Variants in SLIT3 observed in about 807,000 individuals in gnomAD.
The protein encoded by SLIT3 is slit homolog 3 protein.
A neutral mutation model predicts 184.0 loss-of-function variants in SLIT3; 68 were observed. The observed-to-expected ratio is 0.37, with a 90% CI of 0.30 to 0.45. SLIT3 has a LOEUF of 0.45. SLIT3 is among the 20% of genes least tolerant of loss of function. SLIT3 has a pLI of 1.00. For synonymous variants in SLIT3, 831 were observed against 828.6 expected (o/e 1.00, Z -0.05); for missense variants, 1,707 against 2,026.0 (o/e 0.84, Z 3.02).
At chr5:169,077,254 T>C in intron 4 of SLIT3, among the ~76,000 whole-genome samples, 1 of 152,120 alleles carries the variant, frequency 6.6e-6, no homozygotes, top group East Asian at 1.9e-4. Context: ...ATACAGTATG[T>C]AGGCCGGGCG....
chr5:169,296,957 GC>G (rs1767520415), intron 1 of SLIT3, among the ~76,000 whole-genome samples: 1 of 152,172 alleles, frequency 6.6e-6, no homozygotes, highest in Non-Finnish European at 1.5e-5. Context: ...GGGAGAAGTG[GC>G]CCCGTGTGAG....
At chr5:168,950,644 T>C (rs919489233) in intron 4 of SLIT3, among the ~76,000 whole-genome samples, 10 of 152,222 alleles carry the variant, frequency 6.6e-5, no homozygotes, top group African/African-American at 1.7e-4. Context: ...TCCCAGGCCA[T>C]AGTTTGCTGA....
At chr5:169,197,504 C>T (rs1206136867) in intron 3 of SLIT3, among the ~76,000 whole-genome samples, 1 of 152,138 alleles carries the variant, frequency 6.6e-6, no homozygotes, top group African/African-American at 2.4e-5. Context: ...ATGCTGTTCT[C>T]CTGATAAACA....
intron 4 of SLIT3, among the ~76,000 whole-genome samples, chr5:169,099,014 C>G (rs1759903043): frequency 6.6e-6 from 1 of 151,974 alleles, no homozygotes; most frequent in South Asian, 2.1e-4. Flanking sequence ...TAGGCTACTC[C>G]CAGTTGCCTG....
chr5:169,194,247 A>G lies in SLIT3; in HGVS notation c.342-697T>C, dbSNP rs1276910510. On this transcript the variant is annotated intron_variant, in intron 3 of 35. Transcript: ENST00000519560. ...AGACTCTGTCTCAAAAAAAAAAAAAAAAAAAAAAAAAAAAAGAAGAAAAAG... is the reference window on the plus strand; with the variant it reads ...AGACTCTGTCTCAAAAAAAAAAAAAGAAAAAAAAAAAAAAAGAAGAAAAAG... Among the ~76,000 whole-genome samples the G allele has an allele frequency of 1.1e-4, 16 of 150,352 alleles. No homozygotes were observed. The East Asian group carries it at 2.7e-3, about 26-fold the overall frequency.
intron 4 of SLIT3, among the ~76,000 whole-genome samples, chr5:169,054,335 G>C (rs755164810): frequency 4.0e-5 from 6 of 151,638 alleles, no homozygotes; most frequent in Non-Finnish European, 5.9e-5. Flanking sequence ...GGCAAGGAAA[G>C]ATCCTTCCCT....
chr5:168,987,201 C>G lies in SLIT3; in HGVS notation c.414-103865G>C, dbSNP rs1177790072. Among the ~76,000 whole-genome samples the G allele has an allele frequency of 3.3e-5, 5 of 152,212 alleles. 1 individual carries two copies. The highest frequency in any genetic ancestry group is 7.3e-5 in the Non-Finnish European group (5 of 68,048). On this transcript the variant is annotated intron_variant, in intron 4 of 35. Coordinates refer to ENST00000519560, the MANE Select transcript of SLIT3 (RefSeq NM_003062.4). ...TCCCCTTAACCTGGAATCCTGACAACTCTAGTTCTCTCTCCCTCTTTACTC... is the reference window on the plus strand; with the variant it reads ...TCCCCTTAACCTGGAATCCTGACAAGTCTAGTTCTCTCTCCCTCTTTACTC...
At chr5:169,043,158 T>C (rs759120908) in intron 4 of SLIT3, among the ~76,000 whole-genome samples, 6 of 152,080 alleles carry the variant, frequency 3.9e-5, no homozygotes, top group Non-Finnish European at 8.8e-5. Context: ...CATTTTATAC[T>C]AGAGAAAAAA....
At chr5:169,159,434 C>G (rs1762404027) in intron 4 of SLIT3, among the ~76,000 whole-genome samples, 1 of 151,128 alleles carries the variant, frequency 6.6e-6, no homozygotes, top group African/African-American at 2.4e-5. Flanking sequence ...CTCAAAAAAA[C>G]AAAACAACAA....
At chr5:168,823,925 G>T (rs1014823457) in intron 6 of SLIT3, among the ~76,000 whole-genome samples, 1 of 152,052 alleles carries the variant, frequency 6.6e-6, no homozygotes, top group African/African-American at 2.4e-5. Context: ...TATTTTCTAG[G>T]CATCTTCTGA....
At position 169,202,686 on chromosome 5, in the gene SLIT3, C is replaced by T. The variant is rs533763973; in HGVS notation, c.342-9136G>A. Among the ~76,000 whole-genome samples the T allele has an allele frequency of 3.9e-3, 586 of 152,188 alleles. 9 individuals carry two copies. The highest frequency in any genetic ancestry group is 9.6e-4 in the Non-Finnish European group (65 of 68,008). On this transcript the variant is annotated intron_variant, in intron 3 of 35. Coordinates refer to ENST00000519560, the MANE Select transcript of SLIT3 (RefSeq NM_003062.4). ...ATGAGAGTCTCAGGAAATCCTTGCC[C>T]TATTTATGTGGTTATAGAGAACTCT...
intron 4 of SLIT3, among the ~76,000 whole-genome samples, chr5:169,166,322 G>A (rs1762637510): frequency 6.6e-6 from 1 of 152,118 alleles, no homozygotes; most frequent in African/African-American, 2.4e-5. Flanking sequence ...CTCTCAACGT[G>A]TTCATGCTCA....
chr5:168,839,408 G>A (rs552745416), intron 6 of SLIT3, among the ~76,000 whole-genome samples: 152 of 152,302 alleles, frequency 1.0e-3, no homozygotes, highest in African/African-American at 3.3e-3. Flanking sequence ...TACATGCCCC[G>A]TCCAAGGAGG....
intron 16 of SLIT3, among the ~76,000 whole-genome samples, chr5:168,757,302 T>C (rs1754981948): frequency 6.6e-6 from 1 of 152,232 alleles, no homozygotes; most frequent in African/African-American, 2.4e-5. Context: ...TAGCGCAGGG[T>C]AAAGTGTTTA....
intron 12 of SLIT3, among the ~76,000 whole-genome samples, chr5:168,776,379 G>GA (rs201821426): frequency 1.2e-3 from 181 of 152,078 alleles, no homozygotes; most frequent in African/African-American, 4.0e-3. Context: ...CCTGGCAGTG[G>GA]AAAAAAAATG....
At chr5:168,827,457 A>C (rs1757742645) in intron 6 of SLIT3, among the ~76,000 whole-genome samples, 1 of 152,160 alleles carries the variant, frequency 6.6e-6, no homozygotes, top group African/African-American at 2.4e-5. Context: ...ATATTTGAAC[A>C]CAGCTCCAAA....
intron 4 of SLIT3, among the ~76,000 whole-genome samples, chr5:168,988,879 C>A (rs914420821): frequency 9.9e-5 from 15 of 152,160 alleles, no homozygotes. Context: ...CTCCTTGGCA[C>A]ACCACTCTCC....
chr5:168,694,819 A>G (rs1440228912), intron 28 of SLIT3, among the ~76,000 whole-genome samples: 1 of 152,118 alleles, frequency 6.6e-6, no homozygotes, highest in Non-Finnish European at 1.5e-5. Context: ...GGGTTTTGCC[A>G]TGTTGGCCAG....
intron 4 of SLIT3, among the ~76,000 whole-genome samples, chr5:169,071,351 G>A (rs562476122): frequency 6.6e-6 from 1 of 150,640 alleles, no homozygotes; most frequent in East Asian, 2.0e-4. Context: ...ACAGCCTAGT[G>A]CCTTCAACTA....
Sources: gnomAD v4.1 joint callset for allele counts (sites outside exome capture counted in the v4.1 genomes callset) on GRCh38, gnomAD v4.1.1 for gene constraint, MANE v1.5 for transcripts, NCBI Gene and HGNC (gene_info 2026-07-23, HGNC 2026-07-21) for gene names.